Variants in WDR54 observed in about 807,000 individuals in gnomAD.
WDR54 encodes WD repeat-containing protein 54.
A neutral mutation model predicts 44.1 loss-of-function variants in WDR54; 44 were observed. That is an observed-to-expected ratio of 1.00 (90% confidence interval 0.78 to 1.28). The LOEUF (loss-of-function observed/expected upper bound fraction) is 1.28, where lower values mean the gene tolerates loss of function less well. Ranked by LOEUF, WDR54 falls within the 50% of genes most tolerant of loss-of-function variation. The pLI is 0.00. For missense variants in WDR54, 409 were observed against 429.7 expected (o/e 0.95, Z 0.43); for synonymous variants, 169 against 169.8 (o/e 1.00, Z 0.04).
At position 74,424,968 on chromosome 2, in the gene WDR54, G is replaced by A; in HGVS notation, c.628G>A (p.Gly210Arg). ...PEFTLLTRIP[G>R]FGVPCPSVQL... ...ATTCACATTATTGACCCGCATTCCA[G>A]GATTTGGGTAGGTGAGGCAGAAAGG... Residue 210 changes from glycine to arginine, a missense_variant, in exon 7 of 10, where the codon GGA becomes AGA. Gly to Arg is a moderately radical substitution (Grantham distance 125). Transcript: ENST00000348227. 6.2e-7 allele frequency: 1 copy of A among 1,614,228 alleles called. No individual in the cohort carries two copies. The highest frequency in any genetic ancestry group is 1.1e-5 in the South Asian group (1 of 91,082).
chr2:74,423,909 T>C lies in WDR54; in HGVS notation c.461T>C (p.Ile154Thr). Residue 154 changes from isoleucine to threonine, a missense_variant, in exon 6 of 10, where the codon ATT becomes ACT. Physicochemically the swap from Ile to Thr is moderately conservative, Grantham distance 89. Coordinates refer to ENST00000348227, the MANE Select transcript of WDR54 (RefSeq NM_032118.4). ...GACATCCCAGCAAAGGGTCCCAACA[T>C]TGTACTGAGCGAGGAGCTGGCTGGG... ...VFDIPAKGPN[I>T]VLSEELAGHQ... The C allele has an allele frequency of 6.2e-7, 1 of 1,614,102 alleles. No homozygotes were observed. The highest frequency in any genetic ancestry group is 8.5e-7 in the Non-Finnish European group (1 of 1,180,010).
intron 3 of WDR54, 166 bp from the exon 4 acceptor site, chr2:74,423,146 CACTATTA>C: frequency 1.1e-6 from 1 of 881,534 alleles, no homozygotes; most frequent in East Asian, 2.5e-5. Flanking sequence ...TATGTCCTTA[CACTATTA>C]ACTTCTCACT....
intron 6 of WDR54, among the ~76,000 whole-genome samples, chr2:74,424,439 G>A (rs1008205188): frequency 1.3e-5 from 2 of 152,204 alleles, no homozygotes; most frequent in African/African-American, 2.4e-5. Flanking sequence ...AGAACAGGGT[G>A]TATATTTTCT....
At chr2:74,422,124 C>T in intron 1 of WDR54, 29 bp from the exon 2 acceptor site, 1 of 1,603,608 alleles carries the variant, frequency 6.2e-7, no homozygotes, top group Non-Finnish European at 8.5e-7. Context: ...TTGTAGCGCG[C>T]CTGGTGATTC....
In WDR54 at chr2:74,424,969, G is replaced by T; in HGVS notation, c.629G>T (p.Gly210Val). ...PEFTLLTRIP[G>V]FGVPCPSVQL... ...TTCACATTATTGACCCGCATTCCAG[G>T]ATTTGGGTAGGTGAGGCAGAAAGGG... Residue 210 changes from glycine (G) to valine (V), a missense_variant, in exon 7 of 10, where the codon GGA becomes GTA. By Grantham distance (109) the Gly-to-Val change is moderately radical. Coordinates refer to ENST00000348227, the MANE Select transcript of WDR54 (RefSeq NM_032118.4). 6.2e-7 allele frequency: 1 copy of T among 1,614,234 alleles called. No homozygotes were observed. Among genetic ancestry groups the T allele is most frequent in the Non-Finnish European group, 8.5e-7 (1 of 1,180,038 alleles).
Position 74,425,183 on chromosome 2 carries a change from C to T in WDR54, c.744C>T (p.Ile248=). ...EATTGNLHVQ[I]NAHARAICAL... is the part of the protein sequence containing the mutation. ...CTACAGGAAATCTACATGTCCAGAT[C>T]AATGCCCATGCCCGGGCCATCTGCG... Residue 248 remains isoleucine (I), a synonymous_variant, in exon 8 of 10, where the codon ATC becomes ATT. Coordinates refer to ENST00000348227, the MANE Select transcript of WDR54 (RefSeq NM_032118.4). 2 of 1,542,614 alleles carry T rather than the reference C, an allele frequency of 1.3e-6. No homozygotes were observed. The highest frequency in any genetic ancestry group is 1.8e-6 in the Non-Finnish European group (2 of 1,141,708).
chr2:74,425,202 A>G lies in WDR54; in HGVS notation c.763A>G (p.Ile255Val), dbSNP rs750716117. The G allele has an allele frequency of 4.1e-5, 63 of 1,535,112 alleles. No homozygotes were observed. The highest frequency in any genetic ancestry group is 5.4e-5 in the Non-Finnish European group (62 of 1,139,240). ...CCAGATCAATGCCCATGCCCGGGCC[A>G]TCTGCGCCCTGGACCTGGCTTCTGA... ...HVQINAHARA[I>V]CALDLASEVG... is the part of the protein sequence containing the mutation. Residue 255 changes from isoleucine (I) to valine (V), a missense_variant, in exon 8 of 10, where the codon ATC (isoleucine) becomes GTC (valine). By Grantham distance (29) the Ile-to-Val change is conservative (BLOSUM62 3). Coordinates refer to ENST00000348227, the MANE Select transcript of WDR54 (RefSeq NM_032118.4).
rs1670335223 is a variant in WDR54 at position 74,425,502 on chromosome 2, TGG to T, written c.873+14_873+15del. On this transcript the variant is annotated intron_variant, in intron 9 of 9. Transcript: ENST00000348227. Reference sequence around the variant, plus strand: ...AGTGGCTACATTGAGGTATGTGTCATGGGGTGGGTGGAATGGGGGGGCCCAAG... The same window carrying T: ...AGTGGCTACATTGAGGTATGTGTCATGGTGGGTGGAATGGGGGGGCCCAAG... 6.2e-7 allele frequency: 1 copy of T among 1,613,942 alleles called. No individual in the cohort carries two copies. Among genetic ancestry groups the T allele is most frequent in the African/African-American group, 1.3e-5 (1 of 74,886 alleles).
intron 8 of WDR54, 78 bp from the exon 9 acceptor site, chr2:74,425,339 T>A: frequency 6.3e-7 from 1 of 1,591,270 alleles, no homozygotes; most frequent in South Asian, 1.1e-5. Context: ...CCCCCTCCCC[T>A]GGGGCACCTG....
chr2:74,425,431 T>C lies in WDR54; in HGVS notation c.813T>C (p.Gly271=), dbSNP rs761137773. 1.9e-6 allele frequency: 3 copies of C among 1,613,974 alleles called. No homozygotes were observed. In the African/African-American group the frequency reaches 4.0e-5, roughly 22 times the overall value. The change falls in exon 9 of 10, where the codon GGT becomes GGC. Residue 271 remains glycine, a synonymous_variant. Transcript: ENST00000348227. ...ASEVGKLLSA[G]EDTFVHIWKL... ...CTCCTCCACAGCTACTCTCTGCAGG[T>C]GAGGACACCTTTGTGCATATCTGGA...
chr2:74,421,887 AC>A, intron 1 of WDR54, 71 bp downstream of exon 1: 1 of 619,654 alleles, frequency 1.6e-6, no homozygotes, highest in Non-Finnish European at 3.0e-6. Flanking sequence ...GGGCTTCATC[AC>A]ACTTATTTGG....
At position 74,422,189 on chromosome 2, in the gene WDR54, C is replaced by T. The variant is rs761712007; in HGVS notation, c.36C>T (p.Gly12=). 4.3e-6 allele frequency: 7 copies of T among 1,613,588 alleles called. No individual in the cohort carries two copies. The highest frequency in any genetic ancestry group is 5.9e-6 in the Non-Finnish European group (7 of 1,180,044). ...GGGAGCGCTCCATTCCCCTGCGAGG[C>T]TCGGCCGCCGCCCTGTGCAACAACC... ...FRWERSIPLR[G]SAAALCNNLS... is the part of the protein sequence containing the mutation. The change falls in exon 2 of 10, where the codon GGC becomes GGT. Residue 12 remains glycine, a synonymous_variant. Coordinates refer to ENST00000348227, the MANE Select transcript of WDR54 (RefSeq NM_032118.4).
In WDR54 at chr2:74,422,913, C is replaced by T. The variant is rs1342219521; in HGVS notation, c.266C>T (p.Thr89Ile). The T allele has an allele frequency of 6.2e-7, 1 of 1,614,152 alleles. No homozygotes were observed. Among genetic ancestry groups the T allele is most frequent in the South Asian group, 1.1e-5 (1 of 91,078 alleles). ...CCCTTCCGAGTGCTGCTGGTACTCA[C>T]CTCACATCGAGGAATACAGGTAAGA... is the stretch of plus-strand genomic sequence containing the variant. The part of the protein sequence containing the change: ...VLPFRVLLVL[T>I]SHRGIQMYES... The change falls in exon 3 of 10, where the codon ACC (threonine) becomes ATC (isoleucine). Residue 89 changes from threonine (T) to isoleucine (I), a missense_variant. Physicochemically the swap from Thr to Ile is moderately conservative, Grantham distance 89. Transcript: ENST00000348227.
rs1420985038 is a variant in WDR54 at position 74,422,286 on chromosome 2, C to A, written c.133C>A (p.Leu45Ile). 6.2e-7 allele frequency: 1 copy of A among 1,614,238 alleles called. No homozygotes were observed. Among genetic ancestry groups the A allele is most frequent in the South Asian group, 1.1e-5 (1 of 91,090 alleles). Residue 45 changes from leucine to isoleucine, a missense_variant, in exon 2 of 10, where the codon CTC becomes ATC. By Grantham distance (5) the Leu-to-Ile change is conservative. Coordinates refer to ENST00000348227, the MANE Select transcript of WDR54 (RefSeq NM_032118.4). The part of the protein sequence containing the change: ...GVVHGPSAQL[L>I]SAAPEGVPLA... The stretch of plus-strand genomic sequence containing the variant: ...GGTTCATGGACCAAGCGCCCAGCTT[C>A]TCAGCGCTGCTCCTGAGGGTGTGCC...
rs1362829737 is a variant in WDR54 at position 74,422,853 on chromosome 2, G to A, written c.223-17G>A. The A allele has an allele frequency of 1.2e-6, 2 of 1,608,098 alleles. No individual in the cohort carries two copies. Among genetic ancestry groups the A allele is most frequent in the Non-Finnish European group, 1.7e-6 (2 of 1,176,120 alleles). The stretch of plus-strand genomic sequence containing the variant: ...CCTGCTTTGATTTTCTCCCTACACT[G>A]ATGCACCTCCCTCCAGGTCCACTGG... On this transcript the variant is annotated splice_polypyrimidine_tract_variant and intron_variant, in intron 2 of 9. Coordinates refer to ENST00000348227, the MANE Select transcript of WDR54 (RefSeq NM_032118.4).
Position 74,421,781 on chromosome 2 carries a change from G to C in WDR54, c.-37G>C. 2 of 667,004 alleles carry C rather than the reference G, an allele frequency of 3.0e-6. No individual in the cohort carries two copies. The highest frequency in any genetic ancestry group is 3.4e-5 in the South Asian group (2 of 59,686). 41.3% of individuals were successfully genotyped at this position (667,004 alleles called of 1,614,324 possible). A position where few individuals can be genotyped will look rare whatever the true frequency, so the allele number is the denominator to read the frequency against. ...GGCGGCGGATTTGGAGGGACCCTACGAACCAGGAGTCAGGCGAGCCGATCT... is the reference window on the plus strand; with the variant it reads ...GGCGGCGGATTTGGAGGGACCCTACCAACCAGGAGTCAGGCGAGCCGATCT... On this transcript the variant is annotated 5_prime_UTR_variant, in exon 1 of 10. Transcript: ENST00000348227.
chr2:74,421,928 T>C, intron 1 of WDR54, 112 bp downstream of exon 1: 2 of 619,374 alleles, frequency 3.2e-6, no homozygotes, highest in Admixed American at 2.8e-5. Flanking sequence ...CGGGTGGTCC[T>C]GTGTCATCCC....
At chr2:74,422,614 A>C (rs551546329) in intron 2 of WDR54, 3 of 612,024 alleles carry the variant, frequency 4.9e-6, no homozygotes, top group African/African-American at 3.7e-5. Context: ...ACATGGTGAA[A>C]CCTCTTCTCT....
chr2:74,424,266 A>AG (rs759005897), intron 6 of WDR54, among the ~76,000 whole-genome samples: 22 of 152,304 alleles, frequency 1.4e-4, no homozygotes, highest in Middle Eastern at 6.8e-3. Flanking sequence ...TTCCTTCTCT[A>AG]GGGCAAGTCC....
Sources: gnomAD v4.1 joint callset for allele counts (sites outside exome capture counted in the v4.1 genomes callset) on GRCh38, gnomAD v4.1.1 for gene constraint, MANE v1.5 for transcripts, NCBI Gene and HGNC (gene_info 2026-07-23, HGNC 2026-07-21) for gene names.